Variants in TNKS observed in about 807,000 individuals in gnomAD.
TNKS encodes poly [ADP-ribose] polymerase tankyrase-1.
In TNKS, 72 loss-of-function variants were observed where a neutral mutation model predicts 135.8. The ratio of observed to expected loss-of-function variants is 0.53; its 90% CI spans 0.44 to 0.64. The LOEUF (loss-of-function observed/expected upper bound fraction) is 0.64. Among genes scored for constraint, TNKS ranks in the 30% least tolerant of loss-of-function variants. The probability of loss-of-function intolerance (pLI) is 0.00; values close to 1 mark genes in which losing one functional copy is unlikely to be tolerated. For synonymous variants in TNKS, 849 were observed against 649.3 expected (o/e 1.31, Z -4.68); for missense variants, 1,769 against 1,674.0 (o/e 1.06, Z -0.99).
chr8:9,623,963 C>T (rs982094610), intron 3 of TNKS, among the ~76,000 whole-genome samples: 2 of 152,108 alleles, frequency 1.3e-5, no homozygotes, highest in African/African-American at 2.4e-5. Flanking sequence ...GATCATGCCA[C>T]TGTACTCCAG....
chr8:9,776,971 G>T lies in TNKS; in HGVS notation c.*235G>T. On this transcript the variant is annotated 3_prime_UTR_variant, in exon 27 of 27. Coordinates refer to ENST00000310430, the MANE Select transcript of TNKS (RefSeq NM_003747.3). Reference sequence around the variant, plus strand: ...GGGGCGGCCTTTTAACATATCTCAGGCTCATTTTCATTGCAATTATCCATT... The same window carrying T: ...GGGGCGGCCTTTTAACATATCTCAGTCTCATTTTCATTGCAATTATCCATT... 1 of 467,024 alleles carries T rather than the reference G, an allele frequency of 2.1e-6. No individual in the cohort carries two copies. 28.9% of individuals were successfully genotyped at this position (467,024 alleles called of 1,614,324 possible).
rs528173929 is a variant in TNKS, at chr8:9,782,163, C to T, written c.*5427C>T. 1 of 152,662 alleles carries T rather than the reference C, an allele frequency of 6.6e-6. No homozygotes were observed. The highest frequency in any genetic ancestry group is 2.1e-4 in the South Asian group (1 of 4,818). 9.5% of individuals were successfully genotyped at this position (152,662 alleles called of 1,614,324 possible). ...TCATCTCGTCACCTGAAATGGAAGTCCTTTTTCCCTCACCCTCCACTTCTT... is the reference window on the plus strand; with the variant it reads ...TCATCTCGTCACCTGAAATGGAAGTTCTTTTTCCCTCACCCTCCACTTCTT... On this transcript the variant is annotated 3_prime_UTR_variant, in exon 27 of 27. Coordinates refer to ENST00000310430, the MANE Select transcript of TNKS (RefSeq NM_003747.3).
At chr8:9,622,670 T>C (rs1247165115) in intron 3 of TNKS, among the ~76,000 whole-genome samples, 1 of 152,178 alleles carries the variant, frequency 6.6e-6, no homozygotes, top group Non-Finnish European at 1.5e-5. Flanking sequence ...AAATATAAAC[T>C]CCAGGGCTTA....
At chr8:9,556,643 T>C in intron 1 of TNKS, 31 bp downstream of exon 1, 1 of 1,611,238 alleles carries the variant, frequency 6.2e-7, no homozygotes, top group Non-Finnish European at 8.5e-7. Flanking sequence ...TTATTAAGGG[T>C]TATGGGTTTG....
chr8:9,602,900 C>G (rs780814730), intron 2 of TNKS, among the ~76,000 whole-genome samples: 2 of 152,108 alleles, frequency 1.3e-5, no homozygotes, highest in Non-Finnish European at 2.9e-5. Flanking sequence ...TAAAGCATAT[C>G]TCAATTGAAA....
intron 21 of TNKS, 98 bp from the exon 22 acceptor site, chr8:9,763,049 A>ATTAC (rs1420960543): frequency 3.7e-6 from 2 of 538,182 alleles, no homozygotes; most frequent in Non-Finnish European, 2.9e-6. Flanking sequence ...CAAAACCTCA[A>ATTAC]TTACTTATTA....
chr8:9,586,528 C>T (rs976202004), intron 2 of TNKS, among the ~76,000 whole-genome samples: 1 of 152,036 alleles, frequency 6.6e-6, no homozygotes, highest in Admixed American at 6.5e-5. Flanking sequence ...TCTTCTTCCC[C>T]CTCCTTTGCC....
intron 12 of TNKS, among the ~76,000 whole-genome samples, chr8:9,724,587 C>T (rs1805069141): frequency 6.6e-6 from 1 of 152,098 alleles, no homozygotes. Context: ...TCACTTTATA[C>T]AAAGTTCCTG....
chr8:9,564,218 T>C (rs753316952), intron 1 of TNKS, among the ~76,000 whole-genome samples: 30 of 152,204 alleles, frequency 2.0e-4, no homozygotes, highest in Non-Finnish European at 3.7e-4. Context: ...CAGTCACCTG[T>C]AAAGCATTCC....
intron 3 of TNKS, among the ~76,000 whole-genome samples, chr8:9,663,353 A>G (rs981883603): frequency 6.6e-6 from 1 of 152,246 alleles, no homozygotes; most frequent in Non-Finnish European, 1.5e-5. Context: ...AGTTTATTCA[A>G]GGAAAGTGCT....
chr8:9,683,391 T>C (rs903595684), intron 5 of TNKS, among the ~76,000 whole-genome samples: 2 of 152,058 alleles, frequency 1.3e-5, no homozygotes, highest in Admixed American at 6.6e-5. Context: ...ATTAATGAGA[T>C]GATAAAGGTA....
chr8:9,619,508 C>A (rs1199636152), intron 3 of TNKS, among the ~76,000 whole-genome samples: 2 of 152,174 alleles, frequency 1.3e-5, no homozygotes, highest in Non-Finnish European at 2.9e-5. Flanking sequence ...ATGGTCACAG[C>A]ATTGCTAAGA....
At chr8:9,564,726 G>T (rs958776832) in intron 1 of TNKS, among the ~76,000 whole-genome samples, 1 of 152,178 alleles carries the variant, frequency 6.6e-6, no homozygotes, top group Non-Finnish European at 1.5e-5. Context: ...GTGTAGCCCT[G>T]CTCTTGAGGC....
chr8:9,618,078 C>G (rs1176363281), intron 3 of TNKS, among the ~76,000 whole-genome samples: 2 of 151,340 alleles, frequency 1.3e-5, no homozygotes, highest in African/African-American at 4.9e-5. Context: ...CCTCCGTCTC[C>G]CGGGTTCAAG....
intron 3 of TNKS, among the ~76,000 whole-genome samples, chr8:9,647,012 C>T (rs748053308): frequency 2.0e-5 from 3 of 152,054 alleles, no homozygotes; most frequent in Non-Finnish European, 2.9e-5. Flanking sequence ...TAAACTAAAA[C>T]GTGGATCAGA....
intron 2 of TNKS, among the ~76,000 whole-genome samples, chr8:9,587,484 C>T (rs868603793): frequency 5.3e-5 from 8 of 151,366 alleles, no homozygotes; most frequent in Admixed American, 3.3e-4. Flanking sequence ...ACTGTAAGCT[C>T]GGCCTCCTGG....
At chr8:9,574,396 CTTT>C (rs1236171747) in intron 1 of TNKS, among the ~76,000 whole-genome samples, 1 of 152,158 alleles carries the variant, frequency 6.6e-6, no homozygotes, top group Non-Finnish European at 1.5e-5. Context: ...TTTTTCTCTT[CTTT>C]GACCCAGCTG....
At chr8:9,650,633 A>T (rs1342219980) in intron 3 of TNKS, among the ~76,000 whole-genome samples, 1 of 152,072 alleles carries the variant, frequency 6.6e-6, no homozygotes, top group African/African-American at 2.4e-5. Flanking sequence ...TTATCTATTC[A>T]TGTCCTTTGC....
intron 3 of TNKS, among the ~76,000 whole-genome samples, chr8:9,672,558 C>G (rs1452670475): frequency 2.8e-5 from 4 of 143,356 alleles, no homozygotes; most frequent in South Asian, 2.3e-4. Flanking sequence ...TGATATAGAA[C>G]AAAATGTAAA....
Sources: allele counts gnomAD v4.1 joint callset (sites outside exome capture counted in the v4.1 genomes callset), GRCh38; gene constraint gnomAD v4.1.1; transcripts MANE v1.5; gene names NCBI Gene and HGNC (gene_info 2026-07-23, HGNC 2026-07-21).